Variants in ABAT observed in about 807,000 individuals in gnomAD.
ABAT encodes the protein 4-aminobutyrate aminotransferase, mitochondrial.
A neutral mutation model predicts 64.6 loss-of-function variants in ABAT; 45 were observed. That is an observed-to-expected ratio of 0.70 (90% CI 0.55 to 0.89). The LOEUF is 0.89. ABAT is among the 40% of genes least tolerant of loss of function. The pLI is 0.00. For synonymous variants in ABAT, 297 were observed against 250.5 expected (o/e 1.19, Z -1.75); for missense variants, 633 against 658.4 (o/e 0.96, Z 0.42).
chr16:8,758,965 G>A (rs1812879260), intron 6 of ABAT, among the ~76,000 whole-genome samples: 1 of 152,066 alleles, frequency 6.6e-6, no homozygotes, highest in Non-Finnish European at 1.5e-5. Flanking sequence ...AGCCAGGTGT[G>A]GTGGTGTGAG....
At chr16:8,728,303 A>G (rs879736051) in intron 1 of ABAT, among the ~76,000 whole-genome samples, 3 of 152,154 alleles carry the variant, frequency 2.0e-5, no homozygotes, top group African/African-American at 7.2e-5. Context: ...ACCACGGTAT[A>G]TTTTCCAATG....
intron 11 of ABAT, among the ~76,000 whole-genome samples, chr16:8,769,224 C>G (rs1327300152): frequency 6.6e-6 from 1 of 152,156 alleles, no homozygotes; most frequent in African/African-American, 2.4e-5. Context: ...ACTTAAGTTT[C>G]TTGGAAGACA....
chr16:8,677,900 A>G (rs532220789), intron 1 of ABAT, among the ~76,000 whole-genome samples: 42 of 150,398 alleles, frequency 2.8e-4, no homozygotes, highest in Middle Eastern at 3.4e-3. Context: ...AAAATACAGG[A>G]AAAAAAAAAT....
chr16:8,772,106 C>A (rs9924807), intron 11 of ABAT, among the ~76,000 whole-genome samples: 14,728 of 152,054 alleles, frequency 0.097, 1,189 homozygotes, highest in African/African-American at 0.22. Context: ...TCCGATTCTG[C>A]CCCAAAAGGA....
Position 8,702,483 on chromosome 16 carries a change from C to G in ABAT, c.-42+27772C>G, listed in dbSNP as rs535178267. ...GGCCAGGCTGGTCTCGAACTCCTGA[C>G]CTCAAGTAATCCTCCCGCCTCGGCC... On this transcript the variant is annotated intron_variant, in intron 1 of 15. Transcript: ENST00000268251. Among the ~76,000 whole-genome samples, 6 of 152,232 alleles carry G rather than the reference C, an allele frequency of 3.9e-5. No individual in the cohort carries two copies. In the East Asian group the frequency reaches 1.2e-3, roughly 29 times the overall value.
At chr16:8,728,068 C>CAGAGAGAG (rs112812315) in intron 1 of ABAT, among the ~76,000 whole-genome samples, 155 of 150,584 alleles carry the variant, frequency 1.0e-3, no homozygotes, top group Non-Finnish European at 1.6e-3. Flanking sequence ...GAGACCCTGT[C>CAGAGAGAG]AGAGAGAGAG....
chr16:8,726,986 C>T (rs1345141136), intron 1 of ABAT, among the ~76,000 whole-genome samples: 3 of 152,124 alleles, frequency 2.0e-5, no homozygotes, highest in Non-Finnish European at 4.4e-5. Flanking sequence ...ATTTGTATGT[C>T]TTCTTTTGAG....
At chr16:8,772,268 G>C (rs908442142) in intron 11 of ABAT, among the ~76,000 whole-genome samples, 1,207 of 69,850 alleles carry the variant, frequency 0.017, 15 homozygotes, top group African/African-American at 0.1. Context: ...GTGTGTGTGT[G>C]TGTGTGTGTG....
chr16:8,760,916 C>T (rs1194923467), intron 6 of ABAT, among the ~76,000 whole-genome samples: 2 of 151,924 alleles, frequency 1.3e-5, no homozygotes, highest in Non-Finnish European at 2.9e-5. Context: ...TCTACGATAA[C>T]TGTTTTTAAA....
At chr16:8,684,430 G>A (rs182801982) in intron 1 of ABAT, among the ~76,000 whole-genome samples, 174 of 152,124 alleles carry the variant, frequency 1.1e-3, no homozygotes, top group African/African-American at 4.0e-3. Flanking sequence ...AAAATTAGCC[G>A]GGCATGGTGA....
rs553218610 is a variant in ABAT, at chr16:8,710,122, T to C, written c.-41-25577T>C. 3.9e-5 allele frequency among the ~76,000 whole-genome samples: 6 copies of C among 152,200 alleles called. No individual in the cohort carries two copies. In the East Asian group the frequency reaches 1.2e-3, roughly 29 times the overall value. ...ACCACCAAGCCCAGCCAGTTAACCTTTGTGTGCCTCCACTAATATCTGTGA... is the reference window on the plus strand; with the variant it reads ...ACCACCAAGCCCAGCCAGTTAACCTCTGTGTGCCTCCACTAATATCTGTGA... On this transcript the variant is annotated intron_variant, in intron 1 of 15. Coordinates refer to ENST00000268251, the MANE Select transcript of ABAT (RefSeq NM_020686.6).
At chr16:8,721,874 G>T (rs1276190966) in intron 1 of ABAT, among the ~76,000 whole-genome samples, 1 of 152,206 alleles carries the variant, frequency 6.6e-6, no homozygotes, top group Non-Finnish European at 1.5e-5. Context: ...AAAGGACGAG[G>T]AGAGGTGGGT....
Position 8,782,698 on chromosome 16 carries a change from C to T in ABAT, c.*1268C>T, listed in dbSNP as rs2060468026. On this transcript the variant is annotated 3_prime_UTR_variant, in exon 16 of 16. Transcript: ENST00000268251. ...TGTAGCATCTCTGCTGGAGGTGAGACACTCTGGGAACTGATTTGACCTCGA... is the reference window on the plus strand; with the variant it reads ...TGTAGCATCTCTGCTGGAGGTGAGATACTCTGGGAACTGATTTGACCTCGA... The T allele has an allele frequency of 6.6e-6, 1 of 152,270 alleles. No individual in the cohort carries two copies. The highest frequency in any genetic ancestry group is 1.5e-5 in the Non-Finnish European group (1 of 68,086). The allele number at this position is 152,270 out of a possible 1,614,324, so 9.4% of individuals were successfully genotyped here.
chr16:8,761,708 C>T (rs1302468838), intron 6 of ABAT, among the ~76,000 whole-genome samples: 1 of 152,190 alleles, frequency 6.6e-6, no homozygotes, highest in African/African-American at 2.4e-5. Context: ...GCCGGGGCAC[C>T]ACTGGCTGAC....
At chr16:8,751,661 G>A (rs11074631) in intron 5 of ABAT, among the ~76,000 whole-genome samples, 31,266 of 152,046 alleles carry the variant, frequency 0.21, 3,259 homozygotes, top group South Asian at 0.31. Flanking sequence ...TAATCTCCTC[G>A]GAAAAGTGGC....
chr16:8,700,911 CTT>C (rs1174749864), intron 1 of ABAT, among the ~76,000 whole-genome samples: 67 of 131,448 alleles, frequency 5.1e-4, no homozygotes, highest in Non-Finnish European at 4.5e-4. Context: ...GGCCTTAATT[CTT>C]TTTTTTTTTT....
chr16:8,747,034 T>C (rs2059352611), intron 3 of ABAT, among the ~76,000 whole-genome samples: 3 of 152,184 alleles, frequency 2.0e-5, no homozygotes, highest in Admixed American at 2.0e-4. Flanking sequence ...CTTGTCCTCA[T>C]GGCAATGGCA....
intron 2 of ABAT, chr16:8,736,758 C>G (rs1259668634): frequency 6.6e-6 from 1 of 152,234 alleles, no homozygotes; most frequent in Non-Finnish European, 1.5e-5. Context: ...TGAGAGAACT[C>G]AGGCTTAGAG....
chr16:8,772,827 C>G lies in ABAT; in HGVS notation c.864C>G (p.Ala288=). The G allele has an allele frequency of 1.2e-6, 2 of 1,614,008 alleles. No homozygotes were observed. Among genetic ancestry groups the G allele is most frequent in the Non-Finnish European group, 1.7e-6 (2 of 1,179,996 alleles). ...ATCGGAAAAAGAAGAAGACGGTGGC[C>G]GGGATCATCGTGGAGCCCATCCAGT... ...VKYRKKKKTV[A]GIIVEPIQSE... is the part of the protein sequence containing the mutation. The change falls in exon 12 of 16, where the codon GCC becomes GCG. Residue 288 remains alanine, a synonymous_variant. Transcript: ENST00000268251.
Sources: allele counts gnomAD v4.1 joint callset (sites outside exome capture counted in the v4.1 genomes callset), GRCh38; gene constraint gnomAD v4.1.1; transcripts MANE v1.5; gene names NCBI Gene and HGNC (gene_info 2026-07-23, HGNC 2026-07-21).